Variants in PNPLA6 observed in about 807,000 individuals in gnomAD.
PNPLA6 encodes patatin like domain 6, lysophospholipase.
A neutral mutation model predicts 153.7 loss-of-function variants in PNPLA6; 105 were observed. The ratio of observed to expected loss-of-function variants is 0.68; its 90% CI spans 0.58 to 0.80. The LOEUF (loss-of-function observed/expected upper bound fraction) is 0.80, where lower values mean the gene tolerates loss of function less well. Among genes scored for constraint, PNPLA6 ranks in the 30% least tolerant of loss-of-function variants. The probability of loss-of-function intolerance (pLI) is 0.00; values close to 1 mark genes in which losing one functional copy is unlikely to be tolerated. For missense variants in PNPLA6, 1,423 were observed against 1,919.3 expected (o/e 0.74, Z 4.83); for synonymous variants, 825 against 822.2 (o/e 1.00, Z -0.06).
intron 18 of PNPLA6, among the ~76,000 whole-genome samples, chr19:7,553,510 A>G (rs994100688): frequency 4.6e-5 from 7 of 152,214 alleles, no homozygotes; most frequent in African/African-American, 1.7e-4. Context: ...CAGGTCCCCC[A>G]TTAGACAGAG....
Position 7,541,945 on chromosome 19 carries a change from G to T in PNPLA6, c.1169-39G>T, listed in dbSNP as rs746791073. The T allele has an allele frequency of 3.1e-5, 48 of 1,532,204 alleles. No individual in the cohort carries two copies. The highest frequency in any genetic ancestry group is 3.0e-4 in the Admixed American group (18 of 59,884). 94.9% of individuals were successfully genotyped at this position (1,532,204 alleles called of 1,614,324 possible). A position where few individuals can be genotyped will look rare whatever the true frequency, so the allele number is the denominator to read the frequency against. On this transcript the variant is annotated intron_variant, in intron 9 of 31. Coordinates refer to ENST00000600737, the MANE Select transcript of PNPLA6 (RefSeq NM_001166114.2). This position sits in a 1 kb window ranked among gnomAD's most constrained non-coding sequence, Gnocchi z 5.2. ...TCCCAACCTGCTAATCCTCCTAGTG[G>T]CTCTGAGGGGCAGGAGCCTGAACAT...
At chr19:7,535,226 C>G, upstream of PNPLA6, 1 of 551,782 alleles carries the variant, frequency 1.8e-6, no homozygotes. This position sits in a 1 kb window ranked among gnomAD's most constrained non-coding sequence, Gnocchi z 5.0. Context: ...CGGCCTTTGG[C>G]CCCGGGGTGG....
chr19:7,543,510 C>T (rs74769145), intron 13 of PNPLA6, among the ~76,000 whole-genome samples: 11 of 152,286 alleles, frequency 7.2e-5, no homozygotes, highest in Admixed American at 2.6e-4. Flanking sequence ...AGCCCTGGGT[C>T]GGGGTTTCAG....
chr19:7,552,469 A>G (rs1219688198), intron 18 of PNPLA6, among the ~76,000 whole-genome samples: 2 of 152,282 alleles, frequency 1.3e-5, no homozygotes, highest in African/African-American at 4.8e-5. Flanking sequence ...TTAAGAAATT[A>G]CAGAGGCCTG....
At chr19:7,537,277 G>A (rs2022922829) in intron 3 of PNPLA6, among the ~76,000 whole-genome samples, 1 of 152,152 alleles carries the variant, frequency 6.6e-6, no homozygotes, top group Non-Finnish European at 1.5e-5. Context: ...GCTATCTCCA[G>A]CCTCCAGCCT....
rs146167743 is a variant in PNPLA6, at chr19:7,538,534, T to C, written c.414-1384T>C. Among the ~76,000 whole-genome samples, 6 of 152,270 alleles carry C rather than the reference T, an allele frequency of 3.9e-5. No individual in the cohort carries two copies. In the East Asian group the frequency reaches 1.2e-3, roughly 29 times the overall value. ...TGATTTCACTGAGTTTAACTCAGGG[T>C]CCCATCCTCCAAGGTCTATCTCAGG... On this transcript the variant is annotated intron_variant, in intron 3 of 31. Coordinates refer to ENST00000600737, the MANE Select transcript of PNPLA6 (RefSeq NM_001166114.2).
chr19:7,556,932 C>T lies in PNPLA6; in HGVS notation c.3280+208C>T, dbSNP rs898383846. On this transcript the variant is annotated intron_variant, in intron 26 of 31. Transcript: ENST00000600737. Reference sequence around the variant, plus strand: ...GGGGGAGGGGAGCAGGGAGACTCGTCGGACGCCTTACCCCCCTCACGCCAT... The same window carrying T: ...GGGGGAGGGGAGCAGGGAGACTCGTTGGACGCCTTACCCCCCTCACGCCAT... The T allele has an allele frequency of 9.3e-5, 64 of 685,074 alleles. 1 individual carries two copies. The East Asian group carries it at 1.3e-3, about 14-fold the overall frequency. 42.4% of individuals were successfully genotyped at this position (685,074 alleles called of 1,614,324 possible). A position where few individuals can be genotyped will look rare whatever the true frequency, so the allele number is the denominator to read the frequency against.
At position 7,555,635 on chromosome 19, in the gene PNPLA6, G is replaced by C; in HGVS notation, c.2965G>C (p.Ala989Pro). ...CTGCTCGCACATCGGAGTACTAAAG[G>C]CATTAGAGGAGGCGGGGGTCCCCGT... ...RGCSHIGVLK[A>P]LEEAGVPVDL... The change falls in exon 24 of 32, where the codon GCA (alanine) becomes CCA (proline). Residue 989 changes from alanine (A) to proline (P), a missense_variant. Physicochemically the swap from Ala to Pro is conservative, Grantham distance 27 (BLOSUM62 -1). Around this residue, in one of 10 missense-constraint regions of PNPLA6, gnomAD observed 643 missense variants for 835.2 expected, o/e 0.77. Transcript: ENST00000600737. This position sits in a 1 kb window ranked among gnomAD's most constrained non-coding sequence, Gnocchi z 6.3. 6.2e-7 allele frequency: 1 copy of C among 1,612,730 alleles called. No homozygotes were observed. The highest frequency in any genetic ancestry group is 8.5e-7 in the Non-Finnish European group (1 of 1,179,848).
rs766112437 is a variant in PNPLA6 at position 7,550,123 on chromosome 19, C to G, written c.1814+11C>G. 2 of 1,613,902 alleles carry G rather than the reference C, an allele frequency of 1.2e-6. No individual in the cohort carries two copies. The highest frequency in any genetic ancestry group is 1.7e-6 in the Non-Finnish European group (2 of 1,179,984). ...GTCCGACTTCTATGAGTATGACAGC[C>G]CGAAGTTGGAGTGTGGGTGGCACTC... On this transcript the variant is annotated intron_variant, in intron 14 of 31. Transcript: ENST00000600737.
At chr19:7,536,101 G>T in intron 1 of PNPLA6, 81 bp downstream of exon 1, 2 of 1,564,722 alleles carry the variant, frequency 1.3e-6, no homozygotes, top group East Asian at 2.2e-5. Context: ...CAGAGATGGG[G>T]ATTTGCTGGC....
intron 26 of PNPLA6, 119 bp from the exon 27 acceptor site, chr19:7,557,049 C>T: frequency 1.2e-6 from 1 of 864,624 alleles, no homozygotes; most frequent in Non-Finnish European, 2.0e-6. Context: ...CGGGCACCTG[C>T]TGGTGGACGG....
At position 7,541,134 on chromosome 19, in the gene PNPLA6, C is replaced by G; in HGVS notation, c.924+83C>G. The G allele has an allele frequency of 6.8e-7, 1 of 1,472,588 alleles. No individual in the cohort carries two copies. Among genetic ancestry groups the G allele is most frequent in the Non-Finnish European group, 9.3e-7 (1 of 1,072,940 alleles). The allele number at this position is 1,472,588 out of a possible 1,614,324, so 91.2% of individuals were successfully genotyped here. ...ATTCCAGGCTCCAAGGGACCGAGGC[C>G]CAGCAGCCAGCAGGCGCTGGAGCTG... On this transcript the variant is annotated intron_variant, in intron 7 of 31. Transcript: ENST00000600737. The surrounding 1 kb of genome is among the most constrained non-coding windows in gnomAD (Gnocchi z 5.2).
chr19:7,552,148 C>T (rs1599298283), intron 18 of PNPLA6, among the ~76,000 whole-genome samples: 1 of 152,190 alleles, frequency 6.6e-6, no homozygotes, highest in South Asian at 2.1e-4. Flanking sequence ...ACTCCCCATA[C>T]CATGATGGAA....
chr19:7,554,512 C>T (rs574528840), intron 20 of PNPLA6, 43 bp from the exon 21 acceptor site: 1 of 1,611,052 alleles, frequency 6.2e-7, no homozygotes, highest in African/African-American at 1.3e-5. Flanking sequence ...GCACACTGAC[C>T]CCAGGCCAAC....
At chr19:7,554,101 G>T (rs941968020) in intron 19 of PNPLA6, 86 bp downstream of exon 19, 2 of 1,589,610 alleles carry the variant, frequency 1.3e-6, no homozygotes, top group South Asian at 1.1e-5. Flanking sequence ...CATTTGGGGG[G>T]TGGAGGGGAA....
At position 7,554,605 on chromosome 19, in the gene PNPLA6, A is replaced by G; in HGVS notation, c.2516A>G (p.His839Arg). Residue 839 changes from histidine to arginine, a missense_variant, in exon 21 of 32, where the codon CAC becomes CGC. This residue lies in a region of PNPLA6 where 643 missense variants were observed against 835.2 expected (regional missense o/e 0.77). Coordinates refer to ENST00000600737, the MANE Select transcript of PNPLA6 (RefSeq NM_001166114.2). ...TGGCTGGCCCAGCAGGAGGATGCAC[A>G]CCGTATCGTACTCTACCAGACGGAC... ...SGWLAQQEDA[H>R]RIVLYQTDAS... The G allele has an allele frequency of 6.2e-7, 1 of 1,613,898 alleles. No individual in the cohort carries two copies. The highest frequency in any genetic ancestry group is 8.5e-7 in the Non-Finnish European group (1 of 1,179,958).
chr19:7,555,298 A>C lies in PNPLA6; in HGVS notation c.2867A>C (p.Asp956Ala), dbSNP rs2023826452. The part of the protein sequence containing the change: ...VFSRRADRHS[D>A]FSRLARVLTG... Reference sequence around the variant, plus strand: ...TCCAGGCGCGCGGACCGGCACAGCGACTTCTCCCGCTTGGCGAGGGTGCTC... The same window carrying C: ...TCCAGGCGCGCGGACCGGCACAGCGCCTTCTCCCGCTTGGCGAGGGTGCTC... The change falls in exon 23 of 32, where the codon GAC (aspartate) becomes GCC (alanine). Residue 956 changes from aspartate to alanine, a missense_variant. Transcript: ENST00000600737. The surrounding 1 kb of genome is among the most constrained non-coding windows in gnomAD (Gnocchi z 6.3). 6.3e-7 allele frequency: 1 copy of C among 1,587,190 alleles called. No individual in the cohort carries two copies.
At chr19:7,536,162 G>A in intron 1 of PNPLA6, 29 bp from the exon 2 acceptor site, 1 of 1,543,030 alleles carries the variant, frequency 6.5e-7, no homozygotes, top group Non-Finnish European at 9.0e-7. Flanking sequence ...CACAGAGCTC[G>A]GAGTGCCCCT....
Position 7,555,406 on chromosome 19 carries a change from T to C in PNPLA6, c.2936+39T>C. ...TTGCTCTCTGGGGGCGGGGCCTGGA[T>C]GTCCGAGGGTGGAGCTTCCTGGGAG... On this transcript the variant is annotated intron_variant, in intron 23 of 31. Coordinates refer to ENST00000600737, the MANE Select transcript of PNPLA6 (RefSeq NM_001166114.2). The surrounding 1 kb of genome is among the most constrained non-coding windows in gnomAD (Gnocchi z 6.3). 1 of 1,407,706 alleles carries C rather than the reference T, an allele frequency of 7.1e-7. No individual in the cohort carries two copies. Among genetic ancestry groups the C allele is most frequent in the African/African-American group, 1.4e-5 (1 of 69,734 alleles). 87.2% of individuals were successfully genotyped at this position (1,407,706 alleles called of 1,614,324 possible).
Sources: allele counts gnomAD v4.1 joint callset (sites outside exome capture counted in the v4.1 genomes callset), GRCh38; gene constraint gnomAD v4.1.1; regional missense constraint gnomAD v4.1.1; non-coding constraint Gnocchi (gnomAD v3.1); transcripts MANE v1.5; gene names NCBI Gene and HGNC (gene_info 2026-07-23, HGNC 2026-07-21).